Variants in GRK5 observed in about 807,000 individuals in gnomAD.
GRK5 encodes g protein-coupled receptor kinase GRK5.
A neutral mutation model predicts 78.4 loss-of-function variants in GRK5; 40 were observed. The ratio of observed to expected loss-of-function variants is 0.51; its 90% CI spans 0.40 to 0.66. The LOEUF is 0.66. Ranked by LOEUF, GRK5 falls within the 30% of genes least tolerant of loss-of-function variation. GRK5 has a pLI of 0.00. For missense variants in GRK5, 598 were observed against 759.9 expected (o/e 0.79, Z 2.50); for synonymous variants, 289 against 296.8 (o/e 0.97, Z 0.27).
At chr10:119,323,356 G>A (rs1293848217) in intron 1 of GRK5, among the ~76,000 whole-genome samples, 2 of 152,216 alleles carry the variant, frequency 1.3e-5, no homozygotes, top group East Asian at 3.8e-4. Flanking sequence ...TGCCTGCCAG[G>A]TCTGAGAATC....
chr10:119,295,382 G>C (rs1850062757), intron 1 of GRK5, among the ~76,000 whole-genome samples: 2 of 152,054 alleles, frequency 1.3e-5, no homozygotes, highest in African/African-American at 4.8e-5. Context: ...ATGTAAACTA[G>C]TACAGCCACT....
chr10:119,381,880 T>A (rs749337047), intron 3 of GRK5, among the ~76,000 whole-genome samples: 14 of 152,194 alleles, frequency 9.2e-5, no homozygotes, highest in Non-Finnish European at 1.6e-4. Context: ...TTCAAGTCTC[T>A]GTATCTGCTT....
chr10:119,394,295 T>TATGTGTGGGTGC (rs1851966059), intron 3 of GRK5, among the ~76,000 whole-genome samples: 2 of 5,660 alleles, frequency 3.5e-4, no homozygotes, highest in African/African-American at 5.1e-4. Flanking sequence ...GGTGTGTATC[T>TATGTGTGGGTGC]GTGTGTCTGT....
intron 1 of GRK5, among the ~76,000 whole-genome samples, chr10:119,284,423 C>T (rs1470493152): frequency 6.6e-6 from 1 of 152,130 alleles, no homozygotes; most frequent in Non-Finnish European, 1.5e-5. Flanking sequence ...CAAATGTGAG[C>T]CACTGAGCCC....
At chr10:119,290,801 C>T (rs148931036) in intron 1 of GRK5, among the ~76,000 whole-genome samples, 49 of 152,170 alleles carry the variant, frequency 3.2e-4, no homozygotes, top group African/African-American at 1.1e-3. Context: ...CACATCGGTC[C>T]TGCAACAGCC....
At chr10:119,328,844 T>C (rs576547169) in intron 2 of GRK5, among the ~76,000 whole-genome samples, 16 of 152,374 alleles carry the variant, frequency 1.1e-4, no homozygotes, top group Non-Finnish European at 2.2e-4. Flanking sequence ...AGGAGTGCTA[T>C]GGGGCACAGC....
chr10:119,404,671 G>C (rs140788424), intron 4 of GRK5, among the ~76,000 whole-genome samples: 1 of 152,164 alleles, frequency 6.6e-6, no homozygotes, highest in Non-Finnish European at 1.5e-5. Context: ...CCCATGACCC[G>C]GTCTTCCTTT....
At chr10:119,268,701 T>C (rs1381094435) in intron 1 of GRK5, among the ~76,000 whole-genome samples, 1 of 152,240 alleles carries the variant, frequency 6.6e-6, no homozygotes, top group East Asian at 1.9e-4. Context: ...ATGGCAGTTG[T>C]CGTCACTGTC....
At chr10:119,367,886 T>C (rs923915704) in intron 2 of GRK5, among the ~76,000 whole-genome samples, 1 of 152,252 alleles carries the variant, frequency 6.6e-6, no homozygotes, top group African/African-American at 2.4e-5. Context: ...CATTCATTTC[T>C]CCAGCTGCTT....
chr10:119,414,937 T>C (rs2133874227), intron 4 of GRK5, among the ~76,000 whole-genome samples: 1 of 151,686 alleles, frequency 6.6e-6, no homozygotes. Flanking sequence ...CAAAAATTAG[T>C]CAGGTGTTGT....
At position 119,406,423 on chromosome 10, in the gene GRK5, C is replaced by T. The variant is rs534885335; in HGVS notation, c.339+9651C>T. ...CCTGATCATCCAACCAATTCATGAT[C>T]TCCAGGGCAACCAAGGGTGTGAAAT... On this transcript the variant is annotated intron_variant, in intron 4 of 15. Coordinates refer to ENST00000392870, the MANE Select transcript of GRK5 (RefSeq NM_005308.3). The T allele has an allele frequency of 6.1e-6, 6 of 984,502 alleles. No homozygotes were observed. The South Asian group carries it at 2.8e-4, about 46-fold the overall frequency. 61.0% of individuals were successfully genotyped at this position (984,502 alleles called of 1,614,324 possible).
At chr10:119,287,688 C>A (rs554029973) in intron 1 of GRK5, among the ~76,000 whole-genome samples, 4 of 152,270 alleles carry the variant, frequency 2.6e-5, no homozygotes, top group African/African-American at 9.6e-5. Flanking sequence ...CTTCCTCTGG[C>A]AAAGTCCAGC....
chr10:119,279,446 TG>T (rs1849723266), intron 1 of GRK5, among the ~76,000 whole-genome samples: 1 of 152,100 alleles, frequency 6.6e-6, no homozygotes, highest in Admixed American at 6.5e-5. Context: ...CTCAGCATCC[TG>T]GGGGAGAGAA....
At chr10:119,368,227 T>C (rs1006835128) in intron 2 of GRK5, among the ~76,000 whole-genome samples, 15 of 152,260 alleles carry the variant, frequency 9.9e-5, no homozygotes, top group African/African-American at 3.4e-4. Context: ...ACTGAGGCAC[T>C]GAGCGGAAGT....
intron 1 of GRK5, among the ~76,000 whole-genome samples, chr10:119,234,512 T>C (rs1462429082): frequency 6.6e-6 from 1 of 152,156 alleles, no homozygotes; most frequent in Admixed American, 6.5e-5. Flanking sequence ...AAAAGTACAT[T>C]TGGGGGTTAC....
intron 3 of GRK5, among the ~76,000 whole-genome samples, chr10:119,394,312 A>G (rs1589783650): frequency 1.4e-3 from 4 of 2,800 alleles, no homozygotes; most frequent in East Asian, 0.019. Flanking sequence ...CTGTGTGGGC[A>G]CGTGGGTGTG....
chr10:119,393,932 CTG>C (rs1037608888), intron 3 of GRK5, among the ~76,000 whole-genome samples: 2 of 140,618 alleles, frequency 1.4e-5, no homozygotes, highest in Non-Finnish European at 3.1e-5. Flanking sequence ...GGATGGGTAT[CTG>C]TGGGTGTGTG....
intron 4 of GRK5, among the ~76,000 whole-genome samples, chr10:119,404,666 G>T (rs1418837874): frequency 1.3e-5 from 2 of 152,224 alleles, no homozygotes; most frequent in African/African-American, 2.4e-5. Flanking sequence ...TTAGCCCCAT[G>T]ACCCGGTCTT....
chr10:119,395,700 G>C (rs1212528383), intron 3 of GRK5, among the ~76,000 whole-genome samples: 1 of 152,182 alleles, frequency 6.6e-6, no homozygotes, highest in African/African-American at 2.4e-5. Context: ...CTGGGATTCA[G>C]GGAAATTAAA....
Sources: allele counts gnomAD v4.1 joint callset (sites outside exome capture counted in the v4.1 genomes callset), GRCh38; gene constraint gnomAD v4.1.1; transcripts MANE v1.5; gene names NCBI Gene and HGNC (gene_info 2026-07-23, HGNC 2026-07-21).